The following AMBRA1 variants were observed in gnomAD, a reference collection of about 807,000 sequenced individuals.
AMBRA1 encodes the protein autophagy and beclin 1 regulator 1.
Under a neutral mutation model 125.4 loss-of-function variants are expected in AMBRA1, and 47 were observed. That is an observed-to-expected ratio of 0.37 (90% confidence interval 0.30 to 0.48). AMBRA1 has a LOEUF of 0.48. AMBRA1 is among the 20% of genes least tolerant of loss of function. The pLI, the probability that AMBRA1 is intolerant of heterozygous loss-of-function variation, is 0.99. For synonymous variants in AMBRA1, 626 were observed against 655.5 expected, an observed-to-expected ratio of 0.95 and a Z score of 0.69; for missense variants, 1,331 against 1,693.4, an observed-to-expected ratio of 0.79 and a Z score of 3.76.
At chr11:46,441,374 T>TAG (rs1554973894) in intron 12 of AMBRA1, among the ~76,000 whole-genome samples, 1 of 151,440 alleles carries the variant, frequency 6.6e-6, no homozygotes, top group African/African-American at 2.4e-5. Context: ...ATTAGCTGGG[T>TAG]GTGGTGGCGT....
chr11:46,497,354 G>A (rs373293957), intron 9 of AMBRA1, among the ~76,000 whole-genome samples: 16 of 152,106 alleles, frequency 1.1e-4, no homozygotes, highest in Admixed American at 5.9e-4. Context: ...AAGGTTACAC[G>A]AGGCACTATA....
chr11:46,431,727 C>T (rs1947463166), intron 14 of AMBRA1, among the ~76,000 whole-genome samples: 20 of 152,170 alleles, frequency 1.3e-4, no homozygotes, highest in Admixed American at 1.3e-3. Flanking sequence ...TGGTGAAAAG[C>T]AGAGACCAGC....
chr11:46,445,715 T>G (rs1948251160), intron 11 of AMBRA1, among the ~76,000 whole-genome samples: 1 of 152,208 alleles, frequency 6.6e-6, no homozygotes, highest in Non-Finnish European at 1.5e-5. Context: ...ATCAAGATGG[T>G]TGACACCCTC....
At chr11:46,478,631 GT>G (rs1045213342) in intron 11 of AMBRA1, among the ~76,000 whole-genome samples, 2 of 124,568 alleles carry the variant, frequency 1.6e-5, no homozygotes, top group African/African-American at 5.8e-5. Context: ...GATATTTCTT[GT>G]TTTTTTCTTT....
chr11:46,493,422 C>T (rs1254569786), intron 11 of AMBRA1, among the ~76,000 whole-genome samples, 186 bp downstream of exon 11: 2 of 152,052 alleles, frequency 1.3e-5, no homozygotes, highest in Admixed American at 6.6e-5. Context: ...GTAAGAGAAA[C>T]ATTTTTCTTC....
At chr11:46,478,392 CACAG>C (rs1433500470) in intron 11 of AMBRA1, among the ~76,000 whole-genome samples, 1 of 152,168 alleles carries the variant, frequency 6.6e-6, no homozygotes, top group African/African-American at 2.4e-5. Context: ...CTTACTCCTA[CACAG>C]AAATACATTT....
At chr11:46,407,842 A>T (rs1184592573) in intron 17 of AMBRA1, among the ~76,000 whole-genome samples, 2 of 152,082 alleles carry the variant, frequency 1.3e-5, no homozygotes, top group Admixed American at 6.6e-5. Context: ...TAGGATCAGC[A>T]AGGGGGCTGG....
intron 15 of AMBRA1, among the ~76,000 whole-genome samples, chr11:46,411,099 C>CAA (rs59903160): frequency 0.019 from 1,126 of 59,964 alleles, 13 homozygotes; most frequent in African/African-American, 0.025. Flanking sequence ...GACTCTGTCT[C>CAA]AAAAAAAAAA....
chr11:46,567,798 C>T (rs1480568617), intron 1 of AMBRA1, among the ~76,000 whole-genome samples: 1 of 152,182 alleles, frequency 6.6e-6, no homozygotes, highest in Non-Finnish European at 1.5e-5. Context: ...GATTGCAACC[C>T]CAAACCAATC....
At chr11:46,508,688 G>A (rs1411874880) in intron 8 of AMBRA1, among the ~76,000 whole-genome samples, 1 of 152,198 alleles carries the variant, frequency 6.6e-6, no homozygotes, top group Non-Finnish European at 1.5e-5. Context: ...TAGCTCCTCA[G>A]GGTGCTCTTT....
intron 1 of AMBRA1, among the ~76,000 whole-genome samples, chr11:46,593,386 C>A (rs1385014448): frequency 2.6e-5 from 4 of 152,084 alleles, no homozygotes; most frequent in Admixed American, 2.6e-4. Context: ...CTCAGAAGAG[C>A]CAGAGGGCCT....
At chr11:46,592,006 C>G (rs1049615942) in intron 1 of AMBRA1, among the ~76,000 whole-genome samples, 1 of 138,610 alleles carries the variant, frequency 7.2e-6, no homozygotes, top group East Asian at 2.2e-4. Context: ...AGTGCAACGG[C>G]GTGATCTCGG....
chr11:46,428,772 A>T (rs1947288160), intron 14 of AMBRA1: 14 of 1,611,124 alleles, frequency 8.7e-6, no homozygotes, highest in Non-Finnish European at 1.1e-5. Context: ...CTCCGTCTGT[A>T]GGTATCTCTG....
At chr11:46,551,493 C>A (rs1366918411) in intron 1 of AMBRA1, among the ~76,000 whole-genome samples, 2 of 152,132 alleles carry the variant, frequency 1.3e-5, no homozygotes, top group Non-Finnish European at 2.9e-5. Flanking sequence ...GTTGCCCAGG[C>A]TGGTGCAAAC....
chr11:46,415,200 T>C (rs1274795615), intron 15 of AMBRA1, among the ~76,000 whole-genome samples: 1 of 152,032 alleles, frequency 6.6e-6, no homozygotes, highest in Non-Finnish European at 1.5e-5. Context: ...CCCTATTTGT[T>C]CTCCTCATTT....
chr11:46,562,681 T>C (rs890719383), intron 1 of AMBRA1, among the ~76,000 whole-genome samples: 2 of 152,050 alleles, frequency 1.3e-5, no homozygotes, highest in Non-Finnish European at 1.5e-5. Context: ...AAGGGATAAA[T>C]CAATAGTTTA....
At chr11:46,516,209 T>G (rs1951475453) in intron 7 of AMBRA1, among the ~76,000 whole-genome samples, 1 of 152,156 alleles carries the variant, frequency 6.6e-6, no homozygotes, top group Non-Finnish European at 1.5e-5. Flanking sequence ...TATATGTCAC[T>G]TTACTGCTAA....
In AMBRA1 at chr11:46,547,891, AAAAAAAAAG is replaced by A; in HGVS notation, c.136-25_136-17del. On this transcript the variant is annotated splice_polypyrimidine_tract_variant and intron_variant, in intron 2 of 17. Transcript: ENST00000683756. ...GTTCTACTCTCTGGGAGACAAAAAA[AAAAAAAAAG>A]TTAAAATACATGATTTGTAGACCAT... 6.3e-7 allele frequency: 1 copy of A among 1,599,114 alleles called. No homozygotes were observed. Among genetic ancestry groups the A allele is most frequent in the Non-Finnish European group, 8.5e-7 (1 of 1,174,238 alleles).
intron 17 of AMBRA1, among the ~76,000 whole-genome samples, chr11:46,406,522 A>C (rs1415821981): frequency 6.6e-6 from 1 of 152,020 alleles, no homozygotes; most frequent in Non-Finnish European, 1.5e-5. Flanking sequence ...AAAACAAAAC[A>C]AAACAAACAA....
Sources: gnomAD v4.1 joint callset for allele counts (sites outside exome capture counted in the v4.1 genomes callset) on GRCh38, gnomAD v4.1.1 for gene constraint, MANE v1.5 for transcripts, NCBI Gene and HGNC (gene_info 2026-07-23, HGNC 2026-07-21) for gene names.